Variants in FAM81A observed in about 807,000 individuals in gnomAD.
FAM81A encodes the protein protein FAM81A.
A neutral mutation model predicts 46.7 loss-of-function variants in FAM81A; 19 were observed. The ratio of observed to expected loss-of-function variants is 0.41; its 90% CI spans 0.28 to 0.60. The LOEUF (loss-of-function observed/expected upper bound fraction) is 0.60. FAM81A is among the 20% of genes least tolerant of loss of function. FAM81A has a pLI of 0.34. For synonymous variants in FAM81A, 183 were observed against 152.9 expected, an observed-to-expected ratio of 1.20 and a Z score of -1.45; for missense variants, 377 against 453.5, an observed-to-expected ratio of 0.83 and a Z score of 1.53.
At chr15:59,407,459 T>TA (rs1373133538) in intron 2 of FAM81A, among the ~76,000 whole-genome samples, 1 of 151,458 alleles carries the variant, frequency 6.6e-6, no homozygotes, top group Non-Finnish European at 1.5e-5. Flanking sequence ...CACGCCCGGG[T>TA]AATTGTTTTG....
chr15:59,420,237 G>A (rs1189247528), intron 2 of FAM81A, among the ~76,000 whole-genome samples: 1 of 152,196 alleles, frequency 6.6e-6, no homozygotes, highest in African/African-American at 2.4e-5. Context: ...CGCTGATTCT[G>A]GCAATCCCCA....
chr15:59,488,099 T>C (rs1250100191), intron 3 of FAM81A, among the ~76,000 whole-genome samples: 1 of 152,194 alleles, frequency 6.6e-6, no homozygotes, highest in Non-Finnish European at 1.5e-5. Context: ...ATTCCAGGGA[T>C]GCAAAGATGG....
At chr15:59,447,207 T>C (rs2081362476) in intron 1 of FAM81A, among the ~76,000 whole-genome samples, 1 of 152,232 alleles carries the variant, frequency 6.6e-6, no homozygotes, top group Non-Finnish European at 1.5e-5. Flanking sequence ...GTTGTAGGAT[T>C]TCTGGGTTGC....
intron 2 of FAM81A, among the ~76,000 whole-genome samples, chr15:59,411,393 G>A (rs2081119987): frequency 6.6e-6 from 1 of 152,142 alleles, no homozygotes; most frequent in Non-Finnish European, 1.5e-5. Context: ...AGAGATCACT[G>A]GGGTTCCCAC....
At chr15:59,422,698 A>T (rs1197241947) in intron 2 of FAM81A, among the ~76,000 whole-genome samples, 1 of 152,002 alleles carries the variant, frequency 6.6e-6, no homozygotes, top group South Asian at 2.1e-4. Context: ...GGATGGTCTC[A>T]ATCTCCTGAC....
At chr15:59,512,712 A>AT (rs1455970889) in intron 6 of FAM81A, among the ~76,000 whole-genome samples, 2 of 152,146 alleles carry the variant, frequency 1.3e-5, no homozygotes, top group African/African-American at 4.8e-5. Flanking sequence ...TGGCTCTCAC[A>AT]TAACAGTGCG....
chr15:59,413,417 AACACACACACACACAC>A lies in FAM81A; in HGVS notation c.-78+11089_-78+11104del, dbSNP rs535000983. ...CCTCAAAACTGGGTTGAGAGCATTA[AACACACACACACACAC>A]ACACACACACACACACACACACACA... On this transcript the variant is annotated intron_variant, in intron 2 of 4. Transcript: ENST00000558348. Among the ~76,000 whole-genome samples the A allele has an allele frequency of 3.9e-4, 53 of 134,510 alleles. No individual in the cohort carries two copies. The East Asian group carries it at 5.6e-3, about 14-fold the overall frequency. 88.2% of individuals were successfully genotyped at this position (134,510 alleles called of 152,430 possible).
upstream of FAM81A, among the ~76,000 whole-genome samples, chr15:59,433,694 A>G (rs1299294035): frequency 6.6e-6 from 1 of 152,234 alleles, no homozygotes; most frequent in East Asian, 1.9e-4. Flanking sequence ...TATTAGCAAC[A>G]AAGAAACCGA....
At chr15:59,521,129 C>A in intron 8 of FAM81A, 125 bp from the exon 9 acceptor site, 1 of 1,068,182 alleles carries the variant, frequency 9.4e-7, no homozygotes. Context: ...ATCATACTTT[C>A]ATCCCAGAGG....
chr15:59,400,087 G>C (rs567972988), intron 1 of FAM81A, among the ~76,000 whole-genome samples: 1 of 152,172 alleles, frequency 6.6e-6, no homozygotes, highest in South Asian at 2.1e-4. Flanking sequence ...TACAGGTGAG[G>C]GATTTGTGAA....
chr15:59,510,062 C>G (rs1470367090), intron 6 of FAM81A, among the ~76,000 whole-genome samples: 2 of 152,096 alleles, frequency 1.3e-5, no homozygotes, highest in African/African-American at 4.8e-5. Context: ...AGAGAAATCT[C>G]AAACTTAGAA....
At chr15:59,463,669 CCTAT>C (rs1439116144) in intron 3 of FAM81A, among the ~76,000 whole-genome samples, 1 of 151,484 alleles carries the variant, frequency 6.6e-6, no homozygotes, top group Non-Finnish European at 1.5e-5. Flanking sequence ...ATAGTGAGAC[CCTAT>C]CTTTCTCTAA....
Position 59,492,938 on chromosome 15 carries a change from T to G in FAM81A, c.413+549T>G, listed in dbSNP as rs190217990. Among the ~76,000 whole-genome samples the G allele has an allele frequency of 3.3e-5, 5 of 152,338 alleles. No individual in the cohort carries two copies. The East Asian group carries it at 9.6e-4, about 29-fold the overall frequency. Reference sequence around the variant, plus strand: ...CAACTACTGAGTTAGAATCTGCATTTTAACAAGATCCCTGAATTCATATGC... The same window carrying G: ...CAACTACTGAGTTAGAATCTGCATTGTAACAAGATCCCTGAATTCATATGC... On this transcript the variant is annotated intron_variant, in intron 4 of 8. Transcript: ENST00000288228.
At position 59,466,557 on chromosome 15, in the gene FAM81A, G is replaced by C. The variant is rs1567056023; in HGVS notation, c.294+6351G>C. ...TGCCCACTTTTTGATGGGGTTGTTTGTTTTTTTCTTGTAAATTTGTTTGAG... is the reference window on the plus strand; with the variant it reads ...TGCCCACTTTTTGATGGGGTTGTTTCTTTTTTTCTTGTAAATTTGTTTGAG... On this transcript the variant is annotated intron_variant, in intron 3 of 8. Coordinates refer to ENST00000288228, the MANE Select transcript of FAM81A (RefSeq NM_152450.3). Among the ~76,000 whole-genome samples the C allele has an allele frequency of 2.6e-5, 4 of 151,320 alleles. No individual in the cohort carries two copies. The Middle Eastern group carries it at 0.01, about 389-fold the overall frequency.
At chr15:59,497,881 A>T (rs1167362237) in intron 4 of FAM81A, among the ~76,000 whole-genome samples, 1 of 152,130 alleles carries the variant, frequency 6.6e-6, no homozygotes, top group African/African-American at 2.4e-5. Flanking sequence ...TTTTAGAAAC[A>T]TTGTCTTCCT....
intron 8 of FAM81A, among the ~76,000 whole-genome samples, chr15:59,517,829 G>A (rs912281319): frequency 2.6e-5 from 4 of 151,886 alleles, no homozygotes; most frequent in Non-Finnish European, 5.9e-5. Flanking sequence ...GTTTAACCTC[G>A]CATCATTCCC....
intron 6 of FAM81A, among the ~76,000 whole-genome samples, chr15:59,510,018 A>T (rs141810209): frequency 4.6e-5 from 7 of 152,196 alleles, no homozygotes; most frequent in Admixed American, 4.6e-4. Flanking sequence ...GTATCAAAAG[A>T]GAGAATGGCA....
intron 2 of FAM81A, among the ~76,000 whole-genome samples, chr15:59,425,979 G>C (rs1361350237): frequency 1.3e-5 from 2 of 152,068 alleles, no homozygotes; most frequent in African/African-American, 4.8e-5. Flanking sequence ...GATTTTGTTT[G>C]GTCAGAAAGT....
chr15:59,510,844 A>C (rs2082200698), intron 6 of FAM81A, among the ~76,000 whole-genome samples: 1 of 149,354 alleles, frequency 6.7e-6, no homozygotes, highest in African/African-American at 2.4e-5. Context: ...CACTAATGGA[A>C]TTTTAAAAAG....
Sources: allele counts gnomAD v4.1 joint callset (sites outside exome capture counted in the v4.1 genomes callset), GRCh38; gene constraint gnomAD v4.1.1; transcripts MANE v1.5; gene names NCBI Gene and HGNC (gene_info 2026-07-23, HGNC 2026-07-21).